The following NEGR1 variants were observed in gnomAD, a reference collection of about 807,000 sequenced individuals.
The protein encoded by NEGR1 is IgLON family member 4.
Under a neutral mutation model 40.9 loss-of-function variants are expected in NEGR1, and 10 were observed. That is an observed-to-expected ratio of 0.24 (90% confidence interval 0.15 to 0.42). The LOEUF (loss-of-function observed/expected upper bound fraction) is 0.42. NEGR1 is among the 10% of genes least tolerant of loss of function. The pLI is 1.00. For missense variants in NEGR1, 352 were observed against 438.9 expected, an observed-to-expected ratio of 0.80 and a Z score of 1.77; for synonymous variants, 185 against 166.8, an observed-to-expected ratio of 1.11 and a Z score of -0.84.
At chr1:71,827,744 C>T (rs749627210) in intron 2 of NEGR1, among the ~76,000 whole-genome samples, 3 of 151,756 alleles carry the variant, frequency 2.0e-5, no homozygotes, top group Non-Finnish European at 4.4e-5. Flanking sequence ...ATTATGCTCC[C>T]TCCTTGGATC....
At chr1:71,410,248 CTG>C (rs994702914) in intron 6 of NEGR1, among the ~76,000 whole-genome samples, 27 of 152,038 alleles carry the variant, frequency 1.8e-4, no homozygotes, top group African/African-American at 6.3e-4. Context: ...AGGCAGTAGA[CTG>C]TGGAGTAATC....
intron 1 of NEGR1, among the ~76,000 whole-genome samples, chr1:72,086,374 C>G (rs957806211): frequency 6.6e-6 from 1 of 152,078 alleles, no homozygotes; most frequent in Non-Finnish European, 1.5e-5. Context: ...TTGTTTTGCA[C>G]GTTGTTTGTT....
At chr1:71,576,393 C>T (rs371659912) in intron 6 of NEGR1, among the ~76,000 whole-genome samples, 124 of 152,194 alleles carry the variant, frequency 8.1e-4, no homozygotes, top group African/African-American at 2.8e-3. Flanking sequence ...CTTATTTTAA[C>T]CCAGAGATCA....
chr1:71,767,447 A>C (rs1656171190), intron 3 of NEGR1, among the ~76,000 whole-genome samples: 1 of 152,178 alleles, frequency 6.6e-6, no homozygotes, highest in Non-Finnish European at 1.5e-5. Context: ...TGGCAAAAGA[A>C]ATTTTAAAGC....
chr1:71,746,279 TTTAA>T (rs2101681902), intron 3 of NEGR1, among the ~76,000 whole-genome samples: 1 of 152,332 alleles, frequency 6.6e-6, no homozygotes, highest in South Asian at 2.1e-4. Flanking sequence ...TATATAAATG[TTTAA>T]TTAATGAATA....
chr1:71,791,053 T>C (rs1389767773), intron 2 of NEGR1, among the ~76,000 whole-genome samples: 2 of 151,780 alleles, frequency 1.3e-5, no homozygotes, highest in East Asian at 3.9e-4. Context: ...AGGAGAGAAA[T>C]GGAATTTCTT....
At chr1:72,109,860 G>A (rs1649284263) in intron 1 of NEGR1, among the ~76,000 whole-genome samples, 1 of 151,522 alleles carries the variant, frequency 6.6e-6, no homozygotes, top group Non-Finnish European at 1.5e-5. Context: ...TATTTAAAAG[G>A]CTGCATATAT....
intron 1 of NEGR1, among the ~76,000 whole-genome samples, chr1:72,248,966 T>C (rs768800723): frequency 2.0e-4 from 31 of 152,332 alleles, no homozygotes; most frequent in Admixed American, 3.3e-4. Context: ...TGATTGCTAC[T>C]CCATTATTCA....
intron 3 of NEGR1, among the ~76,000 whole-genome samples, chr1:71,741,286 T>C (rs955605701): frequency 6.6e-6 from 1 of 152,142 alleles, no homozygotes; most frequent in African/African-American, 2.4e-5. Context: ...TTAAGCAATA[T>C]GGTACTCTGT....
intron 6 of NEGR1, among the ~76,000 whole-genome samples, chr1:71,419,632 C>T (rs1033854440): frequency 6.6e-6 from 1 of 152,138 alleles, no homozygotes; most frequent in Non-Finnish European, 1.5e-5. Flanking sequence ...GCTATACCAG[C>T]AGCACTGCTT....
chr1:72,154,044 G>C (rs1651264065), intron 1 of NEGR1, among the ~76,000 whole-genome samples: 1 of 151,760 alleles, frequency 6.6e-6, no homozygotes, highest in Admixed American at 6.6e-5. Context: ...TTGAATGAGT[G>C]GAGACAGCAA....
At chr1:71,594,592 T>C (rs1649627829) in intron 5 of NEGR1, among the ~76,000 whole-genome samples, 1 of 152,212 alleles carries the variant, frequency 6.6e-6, no homozygotes, top group Non-Finnish European at 1.5e-5. Context: ...GCTTGAGCAA[T>C]AAATTTAATG....
chr1:71,500,853 T>C (rs1417303276), intron 6 of NEGR1, among the ~76,000 whole-genome samples: 1 of 152,090 alleles, frequency 6.6e-6, no homozygotes, highest in Non-Finnish European at 1.5e-5. Flanking sequence ...GTTCTTTAAA[T>C]AGTTGTTATA....
intron 6 of NEGR1, among the ~76,000 whole-genome samples, chr1:71,587,725 C>T (rs1255832942): frequency 6.6e-6 from 1 of 151,876 alleles, no homozygotes; most frequent in Non-Finnish European, 1.5e-5. Context: ...CTTGTAGAAC[C>T]TATACTACAG....
intron 6 of NEGR1, among the ~76,000 whole-genome samples, chr1:71,522,776 C>A: frequency 6.7e-6 from 1 of 148,658 alleles, no homozygotes; most frequent in East Asian, 2.0e-4. Flanking sequence ...TTTTTAAAAA[C>A]CAAGCCTAAC....
At chr1:71,430,255 T>G (rs1158943670) in intron 6 of NEGR1, among the ~76,000 whole-genome samples, 3 of 152,156 alleles carry the variant, frequency 2.0e-5, no homozygotes, top group Admixed American at 2.0e-4. Context: ...TGCTCTTGGC[T>G]CTATGGTCTC....
chr1:71,631,334 C>CTA (rs1650962298), intron 4 of NEGR1, among the ~76,000 whole-genome samples: 1 of 151,682 alleles, frequency 6.6e-6, no homozygotes. Context: ...AAACTTTCTG[C>CTA]TAGGGTAAGT....
At chr1:71,504,100 T>A (rs1647016140) in intron 6 of NEGR1, among the ~76,000 whole-genome samples, 1 of 145,794 alleles carries the variant, frequency 6.9e-6, no homozygotes, top group Admixed American at 6.9e-5. Flanking sequence ...GGCTCAGAAA[T>A]TAGATAAAAA....
At chr1:71,754,840 C>T (rs926382190) in intron 3 of NEGR1, among the ~76,000 whole-genome samples, 2 of 152,170 alleles carry the variant, frequency 1.3e-5, no homozygotes, top group Admixed American at 6.5e-5. Context: ...CTGAGTTTCA[C>T]TCTTCTAGGT....
Sources: gnomAD v4.1 joint callset for allele counts (sites outside exome capture counted in the v4.1 genomes callset) on GRCh38, gnomAD v4.1.1 for gene constraint, MANE v1.5 for transcripts, NCBI Gene and HGNC (gene_info 2026-07-23, HGNC 2026-07-21) for gene names.